The following STXBP5L variants were observed in gnomAD, a reference collection of about 807,000 sequenced individuals.
STXBP5L encodes the protein syntaxin-binding protein 5-like.
Under a neutral mutation model 144.5 loss-of-function variants are expected in STXBP5L, and 65 were observed. The observed-to-expected ratio is 0.45, with a 90% confidence interval of 0.37 to 0.55. The LOEUF (loss-of-function observed/expected upper bound fraction) is 0.55, where lower values mean the gene tolerates loss of function less well. Among genes scored for constraint, STXBP5L ranks in the 20% least tolerant of loss-of-function variants. STXBP5L has a pLI of 0.00. For missense variants in STXBP5L, 1,298 were observed against 1,405.5 expected (o/e 0.92, Z 1.22); for synonymous variants, 505 against 469.6 (o/e 1.08, Z -0.97).
intron 5 of STXBP5L, among the ~76,000 whole-genome samples, chr3:121,081,900 C>G (rs980514287): frequency 2.0e-5 from 3 of 152,190 alleles, no homozygotes; most frequent in African/African-American, 7.2e-5. Flanking sequence ...TTACTCTTGT[C>G]CAAGTGTTCT....
At chr3:121,051,189 TAAC>T (rs1486986669) in intron 5 of STXBP5L, among the ~76,000 whole-genome samples, 6 of 152,090 alleles carry the variant, frequency 3.9e-5, no homozygotes, top group African/African-American at 1.4e-4. Flanking sequence ...GACAGAAAGT[TAAC>T]AAGGATACCC....
intron 2 of STXBP5L, among the ~76,000 whole-genome samples, chr3:120,921,476 C>A (rs12635124): frequency 0.1 from 15,114 of 151,802 alleles, 1,195 homozygotes; most frequent in Admixed American, 0.2. Context: ...ATATTTTTAG[C>A]TTGATGCAAT....
intron 20 of STXBP5L, among the ~76,000 whole-genome samples, chr3:121,377,941 C>G (rs187592007): frequency 3.1e-4 from 47 of 152,224 alleles, no homozygotes; most frequent in Admixed American, 1.6e-3. Flanking sequence ...CAATGATAGA[C>G]TGGATAAAGA....
chr3:121,069,068 A>C (rs886601381), intron 5 of STXBP5L, among the ~76,000 whole-genome samples: 4 of 152,094 alleles, frequency 2.6e-5, no homozygotes, highest in Non-Finnish European at 4.4e-5. Flanking sequence ...CACTCATGTA[A>C]CAACCACTAT....
chr3:121,137,107 G>A (rs904241145), intron 7 of STXBP5L, among the ~76,000 whole-genome samples: 1 of 151,968 alleles, frequency 6.6e-6, no homozygotes, highest in Non-Finnish European at 1.5e-5. Flanking sequence ...GGTGAGGATT[G>A]AAAAACTACC....
At chr3:121,165,026 T>A (rs888828367) in intron 9 of STXBP5L, among the ~76,000 whole-genome samples, 8 of 152,126 alleles carry the variant, frequency 5.3e-5, no homozygotes, top group Admixed American at 3.3e-4. Flanking sequence ...ATTTTAGCTG[T>A]TTTTGCCACC....
chr3:121,240,042 T>C (rs1477468483), intron 13 of STXBP5L, among the ~76,000 whole-genome samples: 1 of 152,142 alleles, frequency 6.6e-6, no homozygotes, highest in Non-Finnish European at 1.5e-5. Context: ...TTATCTATTA[T>C]GATTTCTATT....
intron 20 of STXBP5L, among the ~76,000 whole-genome samples, chr3:121,353,904 A>G (rs1267294685): frequency 6.6e-6 from 1 of 152,234 alleles, no homozygotes; most frequent in East Asian, 1.9e-4. Flanking sequence ...TTGGTTTCAA[A>G]GAACATCTTT....
chr3:121,121,617 T>C, intron 6 of STXBP5L, 24 bp from the exon 7 acceptor site: 1 of 1,563,022 alleles, frequency 6.4e-7, no homozygotes, highest in African/African-American at 1.4e-5. Context: ...GGTTTTTAAT[T>C]ACTGTTTTGA....
chr3:121,396,271 GA>G (rs771549973), intron 22 of STXBP5L, among the ~76,000 whole-genome samples: 1 of 152,216 alleles, frequency 6.6e-6, no homozygotes, highest in African/African-American at 2.4e-5. Context: ...TTTAAGGAAA[GA>G]TTCATTCTTT....
chr3:121,079,789 G>A (rs984489106), intron 5 of STXBP5L, among the ~76,000 whole-genome samples: 1 of 152,178 alleles, frequency 6.6e-6, no homozygotes, highest in Non-Finnish European at 1.5e-5. Flanking sequence ...TGAGAAGAAT[G>A]TATTATGCAG....
intron 9 of STXBP5L, among the ~76,000 whole-genome samples, chr3:121,182,569 T>A (rs73191422): frequency 0.14 from 22,002 of 152,082 alleles, 1,768 homozygotes; most frequent in Non-Finnish European, 0.19. Flanking sequence ...TCAAAAAGTC[T>A]GAAAGAGCAC....
At chr3:121,115,988 C>T (rs1250596596) in intron 6 of STXBP5L, among the ~76,000 whole-genome samples, 1 of 152,146 alleles carries the variant, frequency 6.6e-6, no homozygotes, top group African/African-American at 2.4e-5. Context: ...AAATCCACTT[C>T]CCATGATCCA....
intron 2 of STXBP5L, 145 bp downstream of exon 2, chr3:120,909,912 T>A (rs1708739277): frequency 1.2e-6 from 1 of 819,214 alleles, no homozygotes; most frequent in African/African-American, 1.8e-5. Context: ...GTAGATCAGT[T>A]TGGCTTAATA....
At chr3:121,320,794 G>A (rs1009494526) in intron 20 of STXBP5L, among the ~76,000 whole-genome samples, 6 of 150,138 alleles carry the variant, frequency 4.0e-5, no homozygotes, top group African/African-American at 1.2e-4. Context: ...CTCTGCCTCC[G>A]AGGTTCAAGG....
intron 22 of STXBP5L, among the ~76,000 whole-genome samples, chr3:121,391,794 G>A (rs2046593121): frequency 6.6e-6 from 1 of 152,138 alleles, no homozygotes; most frequent in South Asian, 2.1e-4. Flanking sequence ...CAGAGGGGCA[G>A]CCACCTATAT....
At chr3:121,194,629 T>C (rs1365068378) in intron 9 of STXBP5L, among the ~76,000 whole-genome samples, 13 of 152,182 alleles carry the variant, frequency 8.5e-5, no homozygotes, top group Non-Finnish European at 1.5e-5. Context: ...TTTTGGAGGG[T>C]TTGTGAAAAA....
rs6148046 is a variant in STXBP5L, at chr3:121,016,524, AAGAT to A, written c.288-25170_288-25167del. On this transcript the variant is annotated intron_variant, in intron 3 of 26. Coordinates refer to ENST00000471454, the MANE Select transcript of STXBP5L (RefSeq NM_001308330.2). ...GACATAGAATGAGTCATTGAGTTTG[AAGAT>A]AGATAAATAGAAACTTCTCAAATGG... Among the ~76,000 whole-genome samples the A allele has an allele frequency of 4.5e-3, 693 of 152,318 alleles. 4 individuals are homozygous for A. The highest frequency in any genetic ancestry group is 0.016 in the African/African-American group (658 of 41,574).
intron 5 of STXBP5L, among the ~76,000 whole-genome samples, chr3:121,091,645 G>T (rs2042803121): frequency 1.3e-5 from 2 of 152,024 alleles, no homozygotes; most frequent in African/African-American, 4.8e-5. Context: ...TTGTAAATTT[G>T]TTTGAGTTCA....
Sources: gnomAD v4.1 joint callset for allele counts (sites outside exome capture counted in the v4.1 genomes callset) on GRCh38, gnomAD v4.1.1 for gene constraint, MANE v1.5 for transcripts, NCBI Gene and HGNC (gene_info 2026-07-23, HGNC 2026-07-21) for gene names.